The following RCOR1 variants were observed in gnomAD, a reference collection of about 807,000 sequenced individuals.
RCOR1 encodes the protein REST corepressor 1.
RCOR1 carries 12 observed loss-of-function variants against 64.0 expected under a neutral mutation model. That is an observed-to-expected ratio of 0.19 (90% CI 0.12 to 0.30). RCOR1 has a LOEUF of 0.30. Ranked by LOEUF, RCOR1 falls within the 10% of genes least tolerant of loss-of-function variation. The probability of loss-of-function intolerance (pLI) is 1.00; values close to 1 mark genes in which losing one functional copy is unlikely to be tolerated. For synonymous variants in RCOR1, 279 were observed against 227.2 expected (o/e 1.23, Z -2.05); for missense variants, 502 against 621.2 (o/e 0.81, Z 2.04).
chr14:102,669,113 C>T (rs1894977402), intron 2 of RCOR1, among the ~76,000 whole-genome samples: 1 of 152,052 alleles, frequency 6.6e-6, no homozygotes, highest in African/African-American at 2.4e-5. Flanking sequence ...AGTTTGAGAC[C>T]AGCCTGACCA....
At chr14:102,640,460 G>A (rs1427937606) in intron 2 of RCOR1, among the ~76,000 whole-genome samples, 4 of 152,122 alleles carry the variant, frequency 2.6e-5, no homozygotes, top group South Asian at 4.1e-4. Flanking sequence ...TAGTTCTTCC[G>A]ACTCTCAAAG....
At chr14:102,694,932 G>A (rs1661807174) in intron 3 of RCOR1, among the ~76,000 whole-genome samples, 2 of 152,202 alleles carry the variant, frequency 1.3e-5, no homozygotes, top group South Asian at 4.1e-4. Context: ...TAATCCTACA[G>A]CAAGAGTTTC....
chr14:102,681,185 T>C (rs184921943), intron 2 of RCOR1, among the ~76,000 whole-genome samples: 6 of 152,252 alleles, frequency 3.9e-5, no homozygotes, highest in Admixed American at 3.9e-4. Flanking sequence ...ATAACTTTCA[T>C]CATATTTTCA....
intron 2 of RCOR1, among the ~76,000 whole-genome samples, chr14:102,632,647 T>TCCTTA (rs1894141391): frequency 3.1e-5 from 2 of 64,546 alleles, no homozygotes; most frequent in Non-Finnish European, 7.3e-5. Flanking sequence ...TCCTTTCCTT[T>TCCTTA]CCTTTCCTTT....
chr14:102,638,229 A>G (rs1383125954), intron 2 of RCOR1, among the ~76,000 whole-genome samples: 1 of 152,248 alleles, frequency 6.6e-6, no homozygotes, highest in African/African-American at 2.4e-5. Context: ...TCTATTAACA[A>G]TTGTGTTTAA....
chr14:102,663,949 A>T (rs1894871135), intron 2 of RCOR1, among the ~76,000 whole-genome samples: 1 of 152,144 alleles, frequency 6.6e-6, no homozygotes, highest in South Asian at 2.1e-4. Flanking sequence ...GTAAGATGTT[A>T]TTAGTTAGAA....
At chr14:102,673,497 C>T (rs60320934) in intron 2 of RCOR1, among the ~76,000 whole-genome samples, 4,314 of 149,906 alleles carry the variant, frequency 0.029, 207 homozygotes, top group African/African-American at 0.1. Context: ...CTACCATGCC[C>T]GGCTAATTTT....
At chr14:102,617,537 T>C (rs1298332330) in intron 2 of RCOR1, among the ~76,000 whole-genome samples, 1 of 151,768 alleles carries the variant, frequency 6.6e-6, no homozygotes, top group African/African-American at 2.4e-5. Context: ...TGATCTTTGC[T>C]GTGAATAGTC....
chr14:102,598,401 G>A (rs1893310536), intron 2 of RCOR1, among the ~76,000 whole-genome samples: 1 of 151,606 alleles, frequency 6.6e-6, no homozygotes, highest in Admixed American at 6.6e-5. Context: ...TACAAAGAGT[G>A]AATGAGGTGG....
chr14:102,655,237 A>C, intron 2 of RCOR1: 2 of 983,178 alleles, frequency 2.0e-6, no homozygotes, highest in Non-Finnish European at 2.4e-6. Context: ...TTTCTTAGGC[A>C]TTCCTGGCCT....
intron 2 of RCOR1, among the ~76,000 whole-genome samples, chr14:102,607,091 G>T (rs1300415962): frequency 6.6e-6 from 1 of 151,896 alleles, no homozygotes; most frequent in Admixed American, 6.6e-5. Context: ...GCTCCACCAC[G>T]TCTGGCTGAT....
rs1161815746 is a variant in RCOR1, at chr14:102,692,223, T to G, written c.446-9055T>G. ...TAGGGATGAAATGAAATAATTGGGA[T>G]TTACTTTAAAATTCTTCAGCACATG... On this transcript the variant is annotated intron_variant, in intron 3 of 11. Coordinates refer to ENST00000262241, the MANE Select transcript of RCOR1 (RefSeq NM_015156.4). Among the ~76,000 whole-genome samples, 3 of 152,312 alleles carry G rather than the reference T, an allele frequency of 2.0e-5. No individual in the cohort carries two copies. The East Asian group carries it at 5.8e-4, about 29-fold the overall frequency.
chr14:102,606,082 T>A lies in RCOR1; in HGVS notation c.361+12757T>A, dbSNP rs138712729. ...CTGGGATTACAGGTGCGCGCCACCA[T>A]GCCTGGCTAATTTTTGTATTTTTAG... is the stretch of plus-strand genomic sequence containing the variant. On this transcript the variant is annotated intron_variant, in intron 2 of 11. Transcript: ENST00000262241. Among the ~76,000 whole-genome samples the A allele has an allele frequency of 6.2e-3, 944 of 151,988 alleles. 4 individuals are homozygous for A. Among genetic ancestry groups the A allele is most frequent in the Non-Finnish European group, 8.8e-3 (601 of 67,932 alleles).
chr14:102,681,203 T>G (rs888155391), intron 2 of RCOR1, among the ~76,000 whole-genome samples: 2 of 152,168 alleles, frequency 1.3e-5, no homozygotes, highest in Non-Finnish European at 2.9e-5. Context: ...TCAGAGTAAT[T>G]TATTTAAAGG....
At chr14:102,613,435 ATTTTTTT>A (rs61269468) in intron 2 of RCOR1, among the ~76,000 whole-genome samples, 1 of 119,334 alleles carries the variant, frequency 8.4e-6, no homozygotes, top group African/African-American at 3.1e-5. Context: ...TTTATTTATC[ATTTTTTT>A]TTTTTTTTGA....
At chr14:102,658,881 T>A (rs542179921) in intron 2 of RCOR1, among the ~76,000 whole-genome samples, 3 of 152,300 alleles carry the variant, frequency 2.0e-5, no homozygotes, top group African/African-American at 7.2e-5. Flanking sequence ...GTGGGAGGTG[T>A]AGTGCATGCT....
chr14:102,638,008 C>T (rs942370729), intron 2 of RCOR1, among the ~76,000 whole-genome samples: 3 of 152,066 alleles, frequency 2.0e-5, no homozygotes, highest in African/African-American at 7.2e-5. Context: ...ATCTGAAAAA[C>T]AATATTGGCT....
chr14:102,603,692 C>A (rs1257310587), intron 2 of RCOR1, among the ~76,000 whole-genome samples: 3 of 152,020 alleles, frequency 2.0e-5, no homozygotes, highest in Non-Finnish European at 4.4e-5. Context: ...TTAATCTCAG[C>A]TCACTGCAAC....
Position 102,592,803 on chromosome 14 carries a change from C to T in RCOR1, c.-84C>T. The stretch of plus-strand genomic sequence containing the variant: ...CCGCGCCCGCCCGGCCCCGCGCCGG[C>T]CCCGCGCCCCCTCCCCCGTCTCGGC... On this transcript the variant is annotated 5_prime_UTR_variant, in exon 1 of 12. Transcript: ENST00000262241. 1.7e-6 allele frequency: 2 copies of T among 1,178,656 alleles called. No homozygotes were observed. The highest frequency in any genetic ancestry group is 2.1e-6 in the Non-Finnish European group (2 of 953,896). The allele number at this position is 1,178,656 out of a possible 1,614,324, so 73.0% of individuals were successfully genotyped here. A position where few individuals can be genotyped will look rare whatever the true frequency, so the allele number is the denominator to read the frequency against.
Sources: allele counts gnomAD v4.1 joint callset (sites outside exome capture counted in the v4.1 genomes callset), GRCh38; gene constraint gnomAD v4.1.1; transcripts MANE v1.5; gene names NCBI Gene and HGNC (gene_info 2026-07-23, HGNC 2026-07-21).